Variants in ELMO1 observed in about 807,000 individuals in gnomAD.
ELMO1 encodes the protein engulfment and cell motility 1, also known as engulfment and cell motility protein 1.
A neutral mutation model predicts 98.9 loss-of-function variants in ELMO1; 26 were observed. That is an observed-to-expected ratio of 0.26 (90% confidence interval 0.19 to 0.36). ELMO1 has a LOEUF of 0.36. ELMO1 is among the 10% of genes least tolerant of loss of function. The pLI is 1.00. For missense variants in ELMO1, 627 were observed against 935.2 expected (o/e 0.67, Z 4.30); for synonymous variants, 346 against 346.0 (o/e 1.00, Z 0.00).
chr7:36,972,763 T>C (rs1790083427), intron 16 of ELMO1, among the ~76,000 whole-genome samples: 1 of 152,222 alleles, frequency 6.6e-6, no homozygotes, highest in Non-Finnish European at 1.5e-5. Context: ...TCTATATATC[T>C]ATATAACTAT....
intron 9 of ELMO1, among the ~76,000 whole-genome samples, 170 bp downstream of exon 9, chr7:37,224,709 G>C (rs1175817636): frequency 6.6e-6 from 1 of 152,188 alleles, no homozygotes; most frequent in Non-Finnish European, 1.5e-5. Context: ...GAGGCCAAGG[G>C]AAAGTAACCA....
intron 4 of ELMO1, among the ~76,000 whole-genome samples, chr7:37,303,287 A>C (rs1798438274): frequency 6.6e-6 from 1 of 152,242 alleles, no homozygotes; most frequent in Admixed American, 6.5e-5. Context: ...GTTCTAACAA[A>C]TATTTTAAAA....
intron 6 of ELMO1, among the ~76,000 whole-genome samples, chr7:37,256,182 A>G (rs1428112682): frequency 1.3e-5 from 2 of 152,148 alleles, no homozygotes; most frequent in Non-Finnish European, 2.9e-5. Flanking sequence ...GATTCTGACA[A>G]CATCCAGGGT....
At chr7:36,959,177 C>A (rs1247398793) in intron 16 of ELMO1, among the ~76,000 whole-genome samples, 1 of 152,094 alleles carries the variant, frequency 6.6e-6, no homozygotes, top group Non-Finnish European at 1.5e-5. Flanking sequence ...TCAGAGCATG[C>A]CCACTCCTTG....
chr7:36,882,725 T>C (rs922829314), intron 18 of ELMO1, among the ~76,000 whole-genome samples: 1 of 152,234 alleles, frequency 6.6e-6, no homozygotes, highest in Admixed American at 6.5e-5. Flanking sequence ...ACAATGGTCA[T>C]AATTATATGA....
At position 37,256,494 on chromosome 7, in the gene ELMO1, G is replaced by A. The variant is rs77019490; in HGVS notation, c.413+2687C>T. ...AGGCCAGATGATGCCAAGTGTAGGAGGGAGGGAGGATGGAGGGAGGAGAAG... is the reference window on the plus strand; with the variant it reads ...AGGCCAGATGATGCCAAGTGTAGGAAGGAGGGAGGATGGAGGGAGGAGAAG... On this transcript the variant is annotated intron_variant, in intron 6 of 21. Coordinates refer to ENST00000310758, the MANE Select transcript of ELMO1 (RefSeq NM_014800.11). Among the ~76,000 whole-genome samples, 784 of 149,820 alleles carry A rather than the reference G, an allele frequency of 5.2e-3. 6 individuals carry two copies. Among genetic ancestry groups the A allele is most frequent in the African/African-American group, 0.018 (725 of 40,516 alleles).
chr7:37,330,262 T>A (rs1006505953), intron 2 of ELMO1, among the ~76,000 whole-genome samples: 2 of 152,246 alleles, frequency 1.3e-5, no homozygotes, highest in African/African-American at 4.8e-5. Context: ...TCTTAATTTA[T>A]CCTTTTCAAC....
At chr7:37,208,114 C>T (rs914761059) in intron 13 of ELMO1, among the ~76,000 whole-genome samples, 1 of 152,188 alleles carries the variant, frequency 6.6e-6, no homozygotes, top group African/African-American at 2.4e-5. Flanking sequence ...TAAAAGGCTG[C>T]AGATGATTTC....
intron 18 of ELMO1, among the ~76,000 whole-genome samples, chr7:36,881,808 C>T (rs1804485096): frequency 6.6e-6 from 1 of 152,186 alleles, no homozygotes; most frequent in Non-Finnish European, 1.5e-5. Context: ...GCAGTGCCCT[C>T]CTACAGAACT....
At chr7:37,140,075 A>G (rs1787518527) in intron 13 of ELMO1, among the ~76,000 whole-genome samples, 1 of 152,098 alleles carries the variant, frequency 6.6e-6, no homozygotes, top group Non-Finnish European at 1.5e-5. Context: ...CTCAAGATGG[A>G]TCAAATACTT....
At chr7:37,103,935 C>T (rs1227628912) in intron 14 of ELMO1, among the ~76,000 whole-genome samples, 3 of 136,792 alleles carry the variant, frequency 2.2e-5, no homozygotes, top group Admixed American at 1.6e-4. Flanking sequence ...GGCATGAACC[C>T]GCGAGGCGGA....
chr7:37,120,832 G>A (rs74423840), intron 14 of ELMO1, among the ~76,000 whole-genome samples: 5 of 152,192 alleles, frequency 3.3e-5, no homozygotes, highest in African/African-American at 4.8e-5. Context: ...GCCTCCTCAA[G>A]TGGGTCCCTG....
At chr7:37,182,601 C>G (rs1790953092) in intron 13 of ELMO1, among the ~76,000 whole-genome samples, 1 of 150,496 alleles carries the variant, frequency 6.6e-6, no homozygotes, top group Non-Finnish European at 1.5e-5. Flanking sequence ...TCTCTCTTCT[C>G]TCTCCCTTGA....
At chr7:37,195,185 G>C (rs891776649) in intron 13 of ELMO1, among the ~76,000 whole-genome samples, 4 of 152,168 alleles carry the variant, frequency 2.6e-5, no homozygotes, top group African/African-American at 9.7e-5. Flanking sequence ...CAGGGGATGA[G>C]AGTGCCAGGA....
At chr7:37,204,254 C>A (rs754648105) in intron 13 of ELMO1, 58 of 454,830 alleles carry the variant, frequency 1.3e-4, no homozygotes, top group Non-Finnish European at 2.2e-4. Flanking sequence ...TGTTACAGTT[C>A]TTAAAGATGG....
intron 16 of ELMO1, among the ~76,000 whole-genome samples, chr7:36,903,187 GCCTTC>G (rs2129060239): frequency 6.6e-6 from 1 of 152,256 alleles, no homozygotes; most frequent in East Asian, 1.9e-4. Flanking sequence ...TCACTCCTGT[GCCTTC>G]ATTCCTGCCC....
intron 13 of ELMO1, among the ~76,000 whole-genome samples, chr7:37,161,586 T>G (rs1310050931): frequency 6.6e-6 from 1 of 152,070 alleles, no homozygotes; most frequent in Non-Finnish European, 1.5e-5. Flanking sequence ...GGCAAAGAAT[T>G]TAACAGCCTT....
intron 4 of ELMO1, among the ~76,000 whole-genome samples, chr7:37,283,056 TCTC>T (rs1584915144): frequency 1.3e-5 from 2 of 152,326 alleles, no homozygotes; most frequent in East Asian, 3.9e-4. Context: ...TGGTTTGCTC[TCTC>T]TGTATCTGTA....
chr7:37,375,752 A>G (rs1802313095), intron 1 of ELMO1: 2 of 1,149,442 alleles, frequency 1.7e-6, no homozygotes, highest in East Asian at 4.8e-5. Flanking sequence ...GAGGGTATCC[A>G]GTATCTCAGT....
Sources: allele counts gnomAD v4.1 joint callset (sites outside exome capture counted in the v4.1 genomes callset), GRCh38; gene constraint gnomAD v4.1.1; transcripts MANE v1.5; gene names NCBI Gene and HGNC (gene_info 2026-07-23, HGNC 2026-07-21).